Variants in CHMP6 observed in about 807,000 individuals in gnomAD.
CHMP6 encodes the protein chromatin-modifying protein 6.
CHMP6 carries 10 observed loss-of-function variants against 32.8 expected under a neutral mutation model. The ratio of observed to expected loss-of-function variants is 0.30; its 90% CI spans 0.19 to 0.52. The LOEUF (loss-of-function observed/expected upper bound fraction) is 0.52, where lower values mean the gene tolerates loss of function less well. CHMP6 is among the 20% of genes least tolerant of loss of function. The probability of loss-of-function intolerance (pLI) is 0.97; values close to 1 mark genes in which losing one functional copy is unlikely to be tolerated. For missense variants in CHMP6, 269 were observed against 263.8 expected, an observed-to-expected ratio of 1.02 and a Z score of -0.14; for synonymous variants, 123 against 105.8, an observed-to-expected ratio of 1.16 and a Z score of -1.00.
rs763151887 is a variant in CHMP6, at chr17:80,999,314, C to T, written c.*161C>T. The T allele has an allele frequency of 4.9e-4, 350 of 709,682 alleles. 1 individual carries two copies. The highest frequency in any genetic ancestry group is 5.3e-4 in the Non-Finnish European group (227 of 424,460). The allele number at this position is 709,682 out of a possible 1,614,324, so 44.0% of individuals were successfully genotyped here. A position where few individuals can be genotyped will look rare whatever the true frequency, so the allele number is the denominator to read the frequency against. On this transcript the variant is annotated 3_prime_UTR_variant, in exon 8 of 8. Coordinates refer to ENST00000325167, the MANE Select transcript of CHMP6 (RefSeq NM_024591.5). ...GGCGCATTGCAGGAGGACTCCAGAG[C>T]GTCTCCTGGAGACCTTGAGCCTGAA...
chr17:80,995,722 G>A lies in CHMP6; in HGVS notation c.312G>A (p.Leu104=). The change falls in exon 4 of 8, where the codon CTG becomes CTA. Residue 104 remains leucine, a synonymous_variant. Transcript: ENST00000325167. ...TCGAAATGAAAGTGATGGAGGGGCT[G>A]CAGTTTGGAAATGAGTGTCTGAACA... ...TQIEMKVMEG[L]QFGNECLNKM... is the part of the protein sequence containing the mutation. The A allele has an allele frequency of 6.2e-7, 1 of 1,614,110 alleles. No individual in the cohort carries two copies. The highest frequency in any genetic ancestry group is 8.5e-7 in the Non-Finnish European group (1 of 1,179,970).
At chr17:80,995,261 G>C (rs370965812) in intron 3 of CHMP6, among the ~76,000 whole-genome samples, 155 bp downstream of exon 3, 1 of 152,156 alleles carries the variant, frequency 6.6e-6, no homozygotes, top group South Asian at 2.1e-4. Flanking sequence ...CTGGAATCCC[G>C]GGGAGTCTGC....
intron 1 of CHMP6, 64 bp downstream of exon 1, chr17:80,992,045 CG>C: frequency 8.3e-7 from 1 of 1,205,884 alleles, no homozygotes; most frequent in East Asian, 3.5e-5. Context: ...GGGCGGGCGG[CG>C]GGGCCGGAAG....
In CHMP6 at chr17:80,999,173, A is replaced by G. The variant is rs1359352516; in HGVS notation, c.*20A>G. 6.2e-7 allele frequency: 1 copy of G among 1,613,472 alleles called. No homozygotes were observed. Among genetic ancestry groups the G allele is most frequent in the East Asian group, 2.2e-5 (1 of 44,854 alleles). On this transcript the variant is annotated 3_prime_UTR_variant, in exon 8 of 8. Coordinates refer to ENST00000325167, the MANE Select transcript of CHMP6 (RefSeq NM_024591.5). Reference sequence around the variant, plus strand: ...TCGTAACGTGGCCTCGTCTTGTGGGACTCACGGGGATGCCCCAGGGACTGT... The same window carrying G: ...TCGTAACGTGGCCTCGTCTTGTGGGGCTCACGGGGATGCCCCAGGGACTGT...
At chr17:80,996,674 G>C (rs2069639993) in intron 4 of CHMP6, among the ~76,000 whole-genome samples, 1 of 152,228 alleles carries the variant, frequency 6.6e-6, no homozygotes, top group Non-Finnish European at 1.5e-5. Context: ...GTGAGAGGGG[G>C]CATCGGGCGC....
At chr17:80,998,244 C>G (rs938684955) in intron 6 of CHMP6, 122 bp from the exon 7 acceptor site, 91 of 1,160,156 alleles carry the variant, frequency 7.8e-5, no homozygotes, top group Non-Finnish European at 1.8e-5. Context: ...CAGCACGTTC[C>G]TGTCCGCTTT....
At position 81,000,041 on chromosome 17, in the gene CHMP6, G is replaced by T. The variant is rs1048124279; in HGVS notation, c.*888G>T. On this transcript the variant is annotated 3_prime_UTR_variant, in exon 8 of 8. Transcript: ENST00000325167. ...GTTATGAGACGATCTCGCTGGGACC[G>T]CCCCTGCCCGTGGAAAGCCACAAGG... is the stretch of plus-strand genomic sequence containing the variant. 2 of 152,250 alleles carry T rather than the reference G, an allele frequency of 1.3e-5. No individual in the cohort carries two copies. The highest frequency in any genetic ancestry group is 4.8e-5 in the African/African-American group (2 of 41,448). The allele number at this position is 152,250 out of a possible 1,614,324, so 9.4% of individuals were successfully genotyped here.
At chr17:80,992,420 C>G (rs745482232) in intron 1 of CHMP6, among the ~76,000 whole-genome samples, 1 of 152,218 alleles carries the variant, frequency 6.6e-6, no homozygotes, top group Non-Finnish European at 1.5e-5. Flanking sequence ...GCTCATTTGC[C>G]TCCTGGTGCC....
intron 4 of CHMP6, among the ~76,000 whole-genome samples, chr17:80,996,603 C>T (rs1045051135): frequency 2.0e-5 from 3 of 152,234 alleles, no homozygotes; most frequent in Non-Finnish European, 2.9e-5. Context: ...AATCAAGTCA[C>T]CTGCCCAGAA....
Position 80,998,369 on chromosome 17 carries a change from C to A in CHMP6, c.499C>A (p.Gln167Lys), listed in dbSNP as rs567503075. 6.2e-7 allele frequency: 1 copy of A among 1,614,222 alleles called. No individual in the cohort carries two copies. Among genetic ancestry groups the A allele is most frequent in the Admixed American group, 1.7e-5 (1 of 60,028 alleles). The change falls in exon 7 of 8, where the codon CAA becomes AAA. Residue 167 changes from glutamine (Q) to lysine (K), a missense_variant. By Grantham distance (53) the Gln-to-Lys change is moderately conservative (BLOSUM62 1). Coordinates refer to ENST00000325167, the MANE Select transcript of CHMP6 (RefSeq NM_024591.5). ...LEELSAITQE[Q>K]IELPEVPSEP... ...CCTTACCCTTTGCTTCTTGCAGGAA[C>A]AAATAGAGCTGCCAGAGGTTCCCTC...
At chr17:80,996,884 TTTAAAAATAA>T (rs2069641890) in intron 4 of CHMP6, 113 bp from the exon 5 acceptor site, 2 of 1,035,846 alleles carry the variant, frequency 1.9e-6, no homozygotes, top group Non-Finnish European at 2.8e-6. Flanking sequence ...AGACCTTGTC[TTTAAAAATAA>T]ATAAAAATAA....
rs58412830 is a variant in CHMP6 at position 80,998,341 on chromosome 17, T to C, written c.496-25T>C. ...CCGGGGCAGACCTGTCACCTGCTCA[T>C]AGCCTTACCCTTTGCTTCTTGCAGG... On this transcript the variant is annotated intron_variant, in intron 6 of 7. Transcript: ENST00000325167. The C allele has an allele frequency of 8.3e-3, 13,327 of 1,614,012 alleles. 692 individuals carry two copies. In the African/African-American group the frequency reaches 0.13, roughly 16 times the overall value.
At chr17:80,997,446 TTAAG>T (rs2069648966) in intron 6 of CHMP6, 105 bp downstream of exon 6, 2 of 644,952 alleles carry the variant, frequency 3.1e-6, no homozygotes, top group East Asian at 4.6e-5. Context: ...GTGGTGTCCT[TTAAG>T]TAAATAGTCT....
chr17:80,995,013 C>T lies in CHMP6; in HGVS notation c.174-6C>T. ...CAGCGGGTCACTCTCGGGCTTCCCT[C>T]TGCAGACGGGCCAAGCTGCTGCTCA... On this transcript the variant is annotated splice_region_variant and splice_polypyrimidine_tract_variant and intron_variant, in intron 2 of 7. Coordinates refer to ENST00000325167, the MANE Select transcript of CHMP6 (RefSeq NM_024591.5). 2.5e-6 allele frequency: 4 copies of T among 1,589,612 alleles called. No individual in the cohort carries two copies. The highest frequency in any genetic ancestry group is 3.4e-6 in the Non-Finnish European group (4 of 1,170,210).
At chr17:80,994,504 C>G in intron 1 of CHMP6, 77 bp from the exon 2 acceptor site, 7 of 1,344,698 alleles carry the variant, frequency 5.2e-6, no homozygotes, top group Non-Finnish European at 7.1e-6. Context: ...CGCCCGGCCT[C>G]CATGCCTGGC....
chr17:80,995,218 C>A, intron 3 of CHMP6, 112 bp downstream of exon 3: 4 of 1,064,140 alleles, frequency 3.8e-6, no homozygotes, highest in Non-Finnish European at 4.1e-6. Context: ...TCTCAGATGC[C>A]TCGGGCTGAA....
At chr17:80,992,384 G>T (rs1383766015) in intron 1 of CHMP6, among the ~76,000 whole-genome samples, 22 of 95,242 alleles carry the variant, frequency 2.3e-4, no homozygotes, top group African/African-American at 9.2e-4. Flanking sequence ...CTCTCCCGGA[G>T]TCGCTGCCCC....
At chr17:80,994,274 C>T (rs1156415651) in intron 1 of CHMP6, among the ~76,000 whole-genome samples, 2 of 152,320 alleles carry the variant, frequency 1.3e-5, no homozygotes, top group Non-Finnish European at 2.9e-5. Context: ...GTGCTTGTAC[C>T]GCTGGCAGGC....
intron 1 of CHMP6, 45 bp downstream of exon 1, chr17:80,992,026 A>G (rs2069596442): frequency 7.7e-7 from 1 of 1,303,910 alleles, no homozygotes; most frequent in Non-Finnish European, 9.9e-7. Flanking sequence ...GGGACAGGCG[A>G]CGGGGCCGGG....
Sources: gnomAD v4.1 joint callset for allele counts (sites outside exome capture counted in the v4.1 genomes callset) on GRCh38, gnomAD v4.1.1 for gene constraint, MANE v1.5 for transcripts, NCBI Gene and HGNC (gene_info 2026-07-23, HGNC 2026-07-21) for gene names.